The following GIGYF1 variants were observed in gnomAD, a reference collection of about 807,000 sequenced individuals.
GIGYF1 encodes GRB10 interacting GYF protein 1.
In GIGYF1, 84 loss-of-function variants were observed where a neutral mutation model predicts 147.1. That is an observed-to-expected ratio of 0.57 (90% CI 0.48 to 0.68). GIGYF1 has a LOEUF of 0.68. Among genes scored for constraint, GIGYF1 ranks in the 30% least tolerant of loss-of-function variants. GIGYF1 has a pLI of 0.00. For synonymous variants in GIGYF1, 752 were observed against 589.5 expected (o/e 1.28, Z -3.99); for missense variants, 1,485 against 1,393.7 (o/e 1.07, Z -1.04).
rs551528395 is a variant in GIGYF1, at chr7:100,683,407, C to A, written c.2090G>T (p.Arg697Leu). Residue 697 changes from arginine to leucine, a missense_variant, in exon 21 of 27, where the codon CGG becomes CTG. Coordinates refer to ENST00000678049, the MANE Select transcript of GIGYF1 (RefSeq NM_001375765.1). ...TCGACGCTTGCGTTCCTCTTCCTCCCGCTTCGCCCTGAGCTCCACTTCTCT... is the reference window on the plus strand; with the variant it reads ...TCGACGCTTGCGTTCCTCTTCCTCCAGCTTCGCCCTGAGCTCCACTTCTCT... ...ERREVELRAK[R>L]EEEERKRREE... 6.2e-7 allele frequency: 1 copy of A among 1,613,820 alleles called. No individual in the cohort carries two copies.
Position 100,684,432 on chromosome 7 carries a change from A to C in GIGYF1, c.1629+18T>G. 6.2e-7 allele frequency: 1 copy of C among 1,611,606 alleles called. No homozygotes were observed. The highest frequency in any genetic ancestry group is 2.2e-5 in the East Asian group (1 of 44,868). On this transcript the variant is annotated intron_variant, in intron 16 of 26. Coordinates refer to ENST00000678049, the MANE Select transcript of GIGYF1 (RefSeq NM_001375765.1). The stretch of plus-strand genomic sequence containing the variant: ...CCCCTCACACCCTGTCCCTCCATGC[A>C]GGGGAGAAGCGGCTCACCAGCAGTG...
rs572372743 is a variant in GIGYF1, at chr7:100,682,382, C to T, written c.2701G>A (p.Gly901Ser). 86 of 1,613,676 alleles carry T rather than the reference C, an allele frequency of 5.3e-5. No individual in the cohort carries two copies. The highest frequency in any genetic ancestry group is 2.7e-4 in the East Asian group (12 of 44,878). ...LLQGIPRPQDGFTQWCEQMLH... is the reference protein window; with the variant it reads ...LLQGIPRPQDSFTQWCEQMLH... Reference sequence around the variant, plus strand: ...ATCTGCTCGCACCACTGGGTGAAGCCGTCCTGGGGCCTGGGAATGCCCTGC... The same window carrying T: ...ATCTGCTCGCACCACTGGGTGAAGCTGTCCTGGGGCCTGGGAATGCCCTGC... Residue 901 changes from glycine (G) to serine (S), a missense_variant, in exon 24 of 27, where the codon GGC (glycine) becomes AGC (serine). Gly to Ser is a moderately conservative substitution (Grantham distance 56). Transcript: ENST00000678049.
In GIGYF1 at chr7:100,681,668, G is replaced by T; in HGVS notation, c.*51C>A. On this transcript the variant is annotated 3_prime_UTR_variant, in exon 27 of 27. Transcript: ENST00000678049. ...CTGCAGGCTGGGACCCTCGGTCCAC[G>T]CCGCTGTGGCTGCCCTGGCCTACAG... 1 of 1,500,262 alleles carries T rather than the reference G, an allele frequency of 6.7e-7. No individual in the cohort carries two copies. The allele number at this position is 1,500,262 out of a possible 1,614,324, so 92.9% of individuals were successfully genotyped here. A position where few individuals can be genotyped will look rare whatever the true frequency, so the allele number is the denominator to read the frequency against.
rs1182477430 is a variant in GIGYF1 at position 100,680,494 on chromosome 7, T to A, written c.*1225A>T. The A allele has an allele frequency of 2.0e-5, 3 of 152,574 alleles. No individual in the cohort carries two copies. Among genetic ancestry groups the A allele is most frequent in the African/African-American group, 7.2e-5 (3 of 41,448 alleles). The allele number at this position is 152,574 out of a possible 1,614,324, so 9.5% of individuals were successfully genotyped here. ...CTCTGACCCAGGAGCCGCACACTTC[T>A]CTTCACCCCAACCTTACCCAACGGT... On this transcript the variant is annotated 3_prime_UTR_variant, in exon 27 of 27. Transcript: ENST00000678049.
intron 1 of GIGYF1, among the ~76,000 whole-genome samples, chr7:100,693,553 G>C (rs1351636637): frequency 6.6e-6 from 1 of 152,190 alleles, no homozygotes. Context: ...TTCCATGTTG[G>C]CCAAAGTCGT....
In GIGYF1 at chr7:100,687,014, C is replaced by A; in HGVS notation, c.515G>T (p.Arg172Leu). ...GERRFEKSAR[R>L]DGARCGFEEG... ...CCTCAGCAGCCTCGTACCTCCATCCCGCCTTGCTGACTTCTCAAACCGCCT... is the reference window on the plus strand; with the variant it reads ...CCTCAGCAGCCTCGTACCTCCATCCAGCCTTGCTGACTTCTCAAACCGCCT... Residue 172 changes from arginine (R) to leucine (L), a missense_variant, in exon 9 of 27, where the codon CGG becomes CTG. Transcript: ENST00000678049. 6.2e-7 allele frequency: 1 copy of A among 1,613,970 alleles called. No individual in the cohort carries two copies. Among genetic ancestry groups the A allele is most frequent in the Non-Finnish European group, 8.5e-7 (1 of 1,180,024 alleles).
Position 100,683,836 on chromosome 7 carries a change from AG to A in GIGYF1, c.1950del (p.Ser651GlnfsTer26). 1 of 1,572,620 alleles carries A rather than the reference AG, an allele frequency of 6.4e-7. No homozygotes were observed. The highest frequency in any genetic ancestry group is 8.6e-7 in the Non-Finnish European group (1 of 1,158,320). On this transcript the variant is annotated frameshift_variant, in exon 19 of 27. Transcript: ENST00000678049. LOFTEE classifies it high-confidence loss of function. Reference sequence around the variant, plus strand: ...CACACACCTGACTGTGATGAGGCTGAGGTATGTACGTCCCAGAGGCGGCCCG... The same window carrying A: ...CACACACCTGACTGTGATGAGGCTGAGTATGTACGTCCCAGAGGCGGCCCG... ...PDSGRLWDVH[T>X]SASSQSGGEA... is the part of the protein sequence containing the mutation.
chr7:100,684,026 G>A lies in GIGYF1; in HGVS notation c.1862C>T (p.Pro621Leu), dbSNP rs764206052. The A allele has an allele frequency of 2.1e-5, 34 of 1,605,048 alleles. No individual in the cohort carries two copies. Among genetic ancestry groups the A allele is most frequent in the African/African-American group, 2.7e-5 (2 of 74,846 alleles). ...AFLQQLQALKPPRGGDQNLLP... is the reference protein window; with the variant it reads ...AFLQQLQALKLPRGGDQNLLP... ...GCTCGCACGCACCACGCACCTGGGG[G>A]GTTTGAGCGCCTGGAGCTGCTGCAG... Residue 621 changes from proline (P) to leucine (L), a missense_variant, in exon 18 of 27, where the codon CCC becomes CTC. By Grantham distance (98) the Pro-to-Leu change is moderately conservative. Transcript: ENST00000678049.
At position 100,683,805 on chromosome 7, in the gene GIGYF1, T is replaced by A. The variant is rs146658486; in HGVS notation, c.1969+13A>T. 5 of 1,577,128 alleles carry A rather than the reference T, an allele frequency of 3.2e-6. No homozygotes were observed. The highest frequency in any genetic ancestry group is 1.7e-4 in the Middle Eastern group (1 of 5,964). ...AGACTGCCTTGGGGGTGGGGACCAG[T>A]CAGGCCACACACCTGACTGTGATGA... On this transcript the variant is annotated intron_variant, in intron 19 of 26. Transcript: ENST00000678049.
chr7:100,690,464 G>C (rs1027301500), intron 1 of GIGYF1, among the ~76,000 whole-genome samples: 1 of 152,150 alleles, frequency 6.6e-6, no homozygotes, highest in Non-Finnish European at 1.5e-5. Context: ...CGACTCTACA[G>C]AAACAATTCT....
At chr7:100,684,957 G>A (rs1805172900) in intron 14 of GIGYF1, 63 bp from the exon 15 acceptor site, 1 of 1,586,370 alleles carries the variant, frequency 6.3e-7, no homozygotes, top group African/African-American at 1.3e-5. Flanking sequence ...GGATGGGGAT[G>A]GGGATGGAGC....
chr7:100,687,995 C>T lies in GIGYF1; in HGVS notation c.151G>A (p.Val51Ile), dbSNP rs370310631. ...YGREEMLALY[V>I]KENKVPEELQ... ...CACGCACCCACCTTGTTCTCCTTGA[C>T]GTAGAGAGCCAGCATTTCCTCTCGC... The change falls in exon 5 of 27, where the codon GTC becomes ATC. Residue 51 changes from valine to isoleucine, a missense_variant. Physicochemically the swap from Val to Ile is conservative, Grantham distance 29. Coordinates refer to ENST00000678049, the MANE Select transcript of GIGYF1 (RefSeq NM_001375765.1). The T allele has an allele frequency of 6.2e-6, 10 of 1,612,446 alleles. No homozygotes were observed. Among genetic ancestry groups the T allele is most frequent in the African/African-American group, 4.0e-5 (3 of 74,912 alleles).
rs746509851 is a variant in GIGYF1, at chr7:100,683,192, C to A, written c.2232G>T (p.Gln744His). Residue 744 changes from glutamine to histidine, a missense_variant, in exon 22 of 27, where the codon CAG becomes CAT. By Grantham distance (24) the Gln-to-His change is conservative. Transcript: ENST00000678049. Reference sequence around the variant, plus strand: ...CGGGGGGCACAGGGACCGCCTGCTGCTGCTGTAGCAACTTCAGCAATAGCT... The same window carrying A: ...CGGGGGGCACAGGGACCGCCTGCTGATGCTGTAGCAACTTCAGCAATAGCT... Reference protein sequence around the residue: ...QQELLLKLLQQQQAVPVPPAP... With the variant: ...QQELLLKLLQHQQAVPVPPAP... 6 of 1,608,526 alleles carry A rather than the reference C, an allele frequency of 3.7e-6. No homozygotes were observed. Among genetic ancestry groups the A allele is most frequent in the Admixed American group, 1.7e-5 (1 of 59,932 alleles).
intron 12 of GIGYF1, among the ~76,000 whole-genome samples, 184 bp downstream of exon 12, chr7:100,685,790 C>G (rs1400399698): frequency 2.0e-5 from 3 of 152,220 alleles, no homozygotes; most frequent in African/African-American, 7.2e-5. Context: ...TGATTTCTAT[C>G]TGGTACACTG....
Position 100,684,025 on chromosome 7 carries a change from G to C in GIGYF1, c.1863C>G (p.Pro621=), listed in dbSNP as rs1408617537. 6.2e-7 allele frequency: 1 copy of C among 1,605,052 alleles called. No individual in the cohort carries two copies. Among genetic ancestry groups the C allele is most frequent in the East Asian group, 2.2e-5 (1 of 44,832 alleles). The stretch of plus-strand genomic sequence containing the variant: ...GGCTCGCACGCACCACGCACCTGGG[G>C]GGTTTGAGCGCCTGGAGCTGCTGCA... ...AFLQQLQALK[P]PRGGDQNLLP... is the part of the protein sequence containing the mutation. Residue 621 remains proline, a synonymous_variant, in exon 18 of 27, where the codon CCC becomes CCG. Coordinates refer to ENST00000678049, the MANE Select transcript of GIGYF1 (RefSeq NM_001375765.1).
intron 8 of GIGYF1, 88 bp downstream of exon 8, chr7:100,687,210 G>A: frequency 6.9e-7 from 1 of 1,456,896 alleles, no homozygotes; most frequent in Non-Finnish European, 9.6e-7. Flanking sequence ...GGCTTATCTG[G>A]TGGGCCTCTG....
intron 1 of GIGYF1, among the ~76,000 whole-genome samples, chr7:100,692,497 T>C (rs903755618): frequency 6.6e-6 from 1 of 152,234 alleles, no homozygotes; most frequent in Non-Finnish European, 1.5e-5. Flanking sequence ...TTCTGTGAGT[T>C]TGAAGCCATT....
At chr7:100,685,184 G>T in intron 13 of GIGYF1, 38 bp from the exon 14 acceptor site, 1 of 1,535,404 alleles carries the variant, frequency 6.5e-7, no homozygotes, top group Non-Finnish European at 8.9e-7. Flanking sequence ...AGAAGGGCGG[G>T]GAGGAGACAA....
chr7:100,683,383 C>T lies in GIGYF1; in HGVS notation c.2114G>A (p.Arg705Gln), dbSNP rs374893437. The T allele has an allele frequency of 6.8e-6, 11 of 1,613,446 alleles. No homozygotes were observed. The East Asian group carries it at 8.9e-5, about 13-fold the overall frequency. ...CTGCTGCTGGCGGCGCTTCTCCTCT[C>T]GACGCTTGCGTTCCTCTTCCTCCCG... Reference protein sequence around the residue: ...AKREEEERKRREEKRRQQQQE... With the variant: ...AKREEEERKRQEEKRRQQQQE... Residue 705 changes from arginine to glutamine, a missense_variant, in exon 21 of 27, where the codon CGA becomes CAA. Coordinates refer to ENST00000678049, the MANE Select transcript of GIGYF1 (RefSeq NM_001375765.1).
Sources: gnomAD v4.1 joint callset for allele counts (sites outside exome capture counted in the v4.1 genomes callset) on GRCh38, gnomAD v4.1.1 for gene constraint, MANE v1.5 for transcripts, NCBI Gene and HGNC (gene_info 2026-07-23, HGNC 2026-07-21) for gene names.